The following GRIK4 variants were observed in gnomAD, a reference collection of about 807,000 sequenced individuals.
The protein encoded by GRIK4 is glutamate ionotropic receptor kainate type subunit 4.
A neutral mutation model predicts 104.9 loss-of-function variants in GRIK4; 40 were observed. The ratio of observed to expected loss-of-function variants is 0.38; its 90% CI spans 0.30 to 0.50. GRIK4 has a LOEUF of 0.50. Ranked by LOEUF, GRIK4 falls within the 20% of genes least tolerant of loss-of-function variation. The pLI is 0.93. For synonymous variants in GRIK4, 485 were observed against 524.9 expected (o/e 0.92, Z 1.04); for missense variants, 1,047 against 1,308.1 (o/e 0.80, Z 3.08).
At chr11:120,784,009 G>T (rs1177471898) in intron 3 of GRIK4, among the ~76,000 whole-genome samples, 2 of 152,146 alleles carry the variant, frequency 1.3e-5, no homozygotes, top group Admixed American at 1.3e-4. Flanking sequence ...AGGGAGCGAG[G>T]CAGGGTTCAC....
chr11:120,658,403 G>A (rs958882248), intron 2 of GRIK4, among the ~76,000 whole-genome samples: 3 of 152,010 alleles, frequency 2.0e-5, no homozygotes, highest in Non-Finnish European at 4.4e-5. Context: ...AAATACCTAG[G>A]AATAGAGTTA....
At chr11:120,718,846 C>T (rs1263874916) in intron 3 of GRIK4, among the ~76,000 whole-genome samples, 4 of 152,170 alleles carry the variant, frequency 2.6e-5, no homozygotes, top group Non-Finnish European at 5.9e-5. Context: ...CCTTTCCCGT[C>T]GTACTTGCCC....
chr11:120,580,042 A>G (rs889226963), intron 1 of GRIK4, among the ~76,000 whole-genome samples: 2 of 152,180 alleles, frequency 1.3e-5, no homozygotes, highest in Non-Finnish European at 1.5e-5. Context: ...ATGTTGCTGC[A>G]TATGTGAGTA....
intron 1 of GRIK4, among the ~76,000 whole-genome samples, chr11:120,644,749 A>G (rs1949519548): frequency 6.6e-6 from 1 of 152,206 alleles, no homozygotes; most frequent in African/African-American, 2.4e-5. Context: ...TGCCTGCAAT[A>G]GACAATGAGG....
At chr11:120,853,210 G>A (rs1031606098) in intron 8 of GRIK4, among the ~76,000 whole-genome samples, 1 of 152,168 alleles carries the variant, frequency 6.6e-6, no homozygotes, top group Non-Finnish European at 1.5e-5. Flanking sequence ...GGAGGTCAAG[G>A]TGGACACTGA....
chr11:120,670,238 C>T (rs529410641), intron 3 of GRIK4, among the ~76,000 whole-genome samples: 2 of 151,870 alleles, frequency 1.3e-5, no homozygotes, highest in East Asian at 3.9e-4. Context: ...GCAAACCTTT[C>T]CTGTTAGTTT....
intron 8 of GRIK4, among the ~76,000 whole-genome samples, chr11:120,843,051 A>G (rs548184816): frequency 2.6e-5 from 4 of 152,288 alleles, no homozygotes; most frequent in Non-Finnish European, 5.9e-5. Flanking sequence ...AGGAGCTGCC[A>G]TCTCAGCAGA....
chr11:120,617,777 T>C (rs1190196361), intron 1 of GRIK4, among the ~76,000 whole-genome samples: 1 of 152,194 alleles, frequency 6.6e-6, no homozygotes, highest in Admixed American at 6.5e-5. Context: ...TTGTAAGTTT[T>C]CTGAGGCCTC....
At chr11:120,723,044 ATCTC>A (rs1297913126) in intron 3 of GRIK4, among the ~76,000 whole-genome samples, 1 of 152,174 alleles carries the variant, frequency 6.6e-6, no homozygotes, top group Non-Finnish European at 1.5e-5. Context: ...TGCATATACT[ATCTC>A]TATTCTCCCC....
intron 3 of GRIK4, among the ~76,000 whole-genome samples, chr11:120,714,358 C>G (rs1271318228): frequency 6.6e-6 from 1 of 152,196 alleles, no homozygotes; most frequent in Non-Finnish European, 1.5e-5. Context: ...CTAACCTTTT[C>G]CTTCCTGCCT....
chr11:120,960,335 A>C (rs1944262021), intron 16 of GRIK4, among the ~76,000 whole-genome samples: 1 of 152,204 alleles, frequency 6.6e-6, no homozygotes, highest in Non-Finnish European at 1.5e-5. Flanking sequence ...CTCAAAAAAA[A>C]ACAAAGAATG....
chr11:120,629,425 A>G (rs1949304768), intron 1 of GRIK4, among the ~76,000 whole-genome samples: 2 of 152,172 alleles, frequency 1.3e-5, no homozygotes, highest in African/African-American at 4.8e-5. Context: ...TATTCAGAAC[A>G]CATTAGCTAC....
intron 12 of GRIK4, among the ~76,000 whole-genome samples, chr11:120,899,283 C>T (rs563709044): frequency 2.0e-5 from 3 of 151,970 alleles, no homozygotes; most frequent in South Asian, 2.1e-4. Context: ...TAGCTGGGCA[C>T]GGTGGCACAC....
chr11:120,862,417 T>C (rs1954287488), intron 9 of GRIK4: 1 of 288,796 alleles, frequency 3.5e-6, no homozygotes, highest in South Asian at 1.2e-4. Context: ...GCTGCCTGAG[T>C]TTAGGATCCA....
intron 1 of GRIK4, among the ~76,000 whole-genome samples, chr11:120,573,556 G>A (rs1228058724): frequency 6.6e-6 from 1 of 152,188 alleles, no homozygotes; most frequent in African/African-American, 2.4e-5. Context: ...GTCTCACTGG[G>A]TGGGAGAAAG....
At chr11:120,744,399 A>G (rs1055434692) in intron 3 of GRIK4, among the ~76,000 whole-genome samples, 3 of 152,066 alleles carry the variant, frequency 2.0e-5, no homozygotes, top group African/African-American at 4.8e-5. Flanking sequence ...TGCTGTTCAT[A>G]TGTTATACTT....
At chr11:120,797,584 C>T (rs887304251) in intron 3 of GRIK4, among the ~76,000 whole-genome samples, 1 of 152,132 alleles carries the variant, frequency 6.6e-6, no homozygotes, top group Admixed American at 6.5e-5. Context: ...TGTTGTCGTC[C>T]TAGTTATTCT....
At chr11:120,937,005 T>C (rs2134630623) in intron 13 of GRIK4, among the ~76,000 whole-genome samples, 1 of 152,276 alleles carries the variant, frequency 6.6e-6, no homozygotes, top group East Asian at 1.9e-4. Context: ...ACATTATCTC[T>C]TCATCTGAAG....
chr11:120,860,646 T>C (rs570731792), intron 8 of GRIK4, among the ~76,000 whole-genome samples: 1 of 152,348 alleles, frequency 6.6e-6, no homozygotes, highest in East Asian at 1.9e-4. Flanking sequence ...GCAAGCTTCC[T>C]GAGGGCAACA....
Sources: allele counts gnomAD v4.1 joint callset (sites outside exome capture counted in the v4.1 genomes callset), GRCh38; gene constraint gnomAD v4.1.1; transcripts MANE v1.5; gene names NCBI Gene and HGNC (gene_info 2026-07-23, HGNC 2026-07-21).